Variants in GPR55 observed in about 807,000 individuals in gnomAD.
GPR55 encodes G-protein coupled receptor 55.
Under a neutral mutation model 7.9 loss-of-function variants are expected in GPR55, and 6 were observed. That is an observed-to-expected ratio of 0.76 (90% CI 0.41 to 1.49). The LOEUF (loss-of-function observed/expected upper bound fraction) is 1.49. Ranked by LOEUF, GPR55 falls within the 40% of genes most tolerant of loss-of-function variation. The pLI is 0.01. For missense variants in GPR55, 376 were observed against 406.0 expected, an observed-to-expected ratio of 0.93 and a Z score of 0.63; for synonymous variants, 183 against 166.8, an observed-to-expected ratio of 1.10 and a Z score of -0.75.
intron 1 of GPR55, among the ~76,000 whole-genome samples, chr2:230,933,944 C>T (rs1429879890): frequency 2.0e-5 from 3 of 152,218 alleles, no homozygotes; most frequent in Non-Finnish European, 4.4e-5. Context: ...TCTGAGGCCA[C>T]ATCTGCAGTC....
intron 1 of GPR55, among the ~76,000 whole-genome samples, chr2:230,939,282 G>A (rs1049472065): frequency 6.6e-6 from 1 of 152,192 alleles, no homozygotes; most frequent in Admixed American, 6.5e-5. Flanking sequence ...GCACAGCTCT[G>A]CCCGCAGTCA....
intron 1 of GPR55, among the ~76,000 whole-genome samples, chr2:230,951,369 G>A (rs1691401953): frequency 6.6e-6 from 1 of 152,114 alleles, no homozygotes; most frequent in South Asian, 2.1e-4. Context: ...GAGAACAGAG[G>A]AAAAACATGG....
chr2:230,927,263 C>T (rs960164097), upstream of GPR55, among the ~76,000 whole-genome samples: 6 of 152,182 alleles, frequency 3.9e-5, no homozygotes, highest in Admixed American at 3.3e-4. Context: ...ACCACACGAG[C>T]TGCTCTGCAG....
At chr2:230,926,851 G>A (rs528096950), upstream of GPR55, among the ~76,000 whole-genome samples, 184 of 151,842 alleles carry the variant, frequency 1.2e-3, 2 homozygotes, top group Middle Eastern at 0.027. Context: ...CACCAGGCCC[G>A]ACTAACTTTT....
At position 230,908,832 on chromosome 2, in the gene GPR55, G is replaced by A. The variant is rs1448448806; in HGVS notation, c.*1171C>T. Reference sequence around the variant, plus strand: ...TCCAGATCCGTTGAGAAGCCATCCAGGCGTGACTCAATTGTTTACAGTTTC... The same window carrying A: ...TCCAGATCCGTTGAGAAGCCATCCAAGCGTGACTCAATTGTTTACAGTTTC... On this transcript the variant is annotated 3_prime_UTR_variant, in exon 2 of 2. Coordinates refer to ENST00000650999, the MANE Select transcript of GPR55 (RefSeq NM_005683.4). The A allele has an allele frequency of 2.0e-5, 3 of 152,362 alleles. No individual in the cohort carries two copies. Among genetic ancestry groups the A allele is most frequent in the Non-Finnish European group, 2.9e-5 (2 of 68,152 alleles). The allele number at this position is 152,362 out of a possible 1,614,324, so 9.4% of individuals were successfully genotyped here.
At chr2:230,956,964 A>G (rs1691491974) in intron 1 of GPR55, among the ~76,000 whole-genome samples, 3 of 151,484 alleles carry the variant, frequency 2.0e-5, no homozygotes, top group Non-Finnish European at 4.4e-5. Flanking sequence ...TGGATGCCTG[A>G]AACTGCAGAG....
intron 1 of GPR55, among the ~76,000 whole-genome samples, chr2:230,954,868 T>A (rs954209245): frequency 6.6e-5 from 10 of 152,236 alleles, no homozygotes; most frequent in African/African-American, 2.4e-4. Context: ...TTGCACTCTT[T>A]CAAAAAAGTC....
rs1691284764 is a variant in GPR55, at chr2:230,944,717, C to A, written c.-135+16058G>T. Reference sequence around the variant, plus strand: ...CTCATGTACCCCGTAAATACAGACACCTACTATGTACCAGAAAAATTAAAA... The same window carrying A: ...CTCATGTACCCCGTAAATACAGACAACTACTATGTACCAGAAAAATTAAAA... On this transcript the variant is annotated intron_variant, in intron 1 of 1. Coordinates refer to the GPR55 transcript ENST00000392039. This position sits in a 1 kb window ranked among gnomAD's most constrained non-coding sequence, Gnocchi z 4.2. Among the ~76,000 whole-genome samples the A allele has an allele frequency of 6.6e-6, 1 of 152,194 alleles. No individual in the cohort carries two copies. The highest frequency in any genetic ancestry group is 2.4e-5 in the African/African-American group (1 of 41,448).
rs556690935 is a variant in GPR55 at position 230,909,413 on chromosome 2, C to T, written c.*590G>A. The T allele has an allele frequency of 6.5e-6, 1 of 152,818 alleles. No individual in the cohort carries two copies. Among genetic ancestry groups the T allele is most frequent in the Non-Finnish European group, 1.5e-5 (1 of 68,512 alleles). 9.5% of individuals were successfully genotyped at this position (152,818 alleles called of 1,614,324 possible). ...AGGCTCACTGGAAACTTGGGGTGAT[C>T]CATGCTACTTGCCCAGCCCCAACAC... On this transcript the variant is annotated 3_prime_UTR_variant, in exon 2 of 2. Coordinates refer to ENST00000650999, the MANE Select transcript of GPR55 (RefSeq NM_005683.4).
intron 1 of GPR55, among the ~76,000 whole-genome samples, chr2:230,913,362 C>T (rs1370744395): frequency 6.6e-6 from 1 of 152,138 alleles, no homozygotes; most frequent in African/African-American, 2.4e-5. Flanking sequence ...CCCAAGCCCT[C>T]TCTGATCTCT....
chr2:230,931,184 G>A (rs765553131), intron 1 of GPR55, among the ~76,000 whole-genome samples: 1 of 152,186 alleles, frequency 6.6e-6, no homozygotes, highest in Admixed American at 6.5e-5. Context: ...ACCTGGCTCA[G>A]TCTTCATCTC....
Position 230,910,927 on chromosome 2 carries a change from A to G in GPR55, c.36T>C (p.Phe12=). 1.9e-6 allele frequency: 3 copies of G among 1,609,216 alleles called. No homozygotes were observed. Among genetic ancestry groups the G allele is most frequent in the Non-Finnish European group, 2.6e-6 (3 of 1,175,938 alleles). ...SQQNTSGDCL[F]DGVNELMKTL... ...TTTTCATCAGCTCGTTGACACCGTCAAACAGGCAGTCCCCACTGGTGTTTT... is the reference window on the plus strand; with the variant it reads ...TTTTCATCAGCTCGTTGACACCGTCGAACAGGCAGTCCCCACTGGTGTTTT... The change falls in exon 2 of 2, where the codon TTT becomes TTC. Residue 12 remains phenylalanine, a synonymous_variant. Transcript: ENST00000650999. The surrounding 1 kb of genome is among the most constrained non-coding windows in gnomAD (Gnocchi z 5.4).
At chr2:230,918,367 C>CA (rs1359135058) in intron 1 of GPR55, among the ~76,000 whole-genome samples, 2 of 151,848 alleles carry the variant, frequency 1.3e-5, no homozygotes, top group African/African-American at 4.8e-5. Context: ...GATTTGGGGG[C>CA]AAAAAATAAT....
At position 230,910,947 on chromosome 2, in the gene GPR55, T is replaced by A. The variant is rs1690579404; in HGVS notation, c.16A>T (p.Thr6Ser). Reference sequence around the variant, plus strand: ...CCGTCAAACAGGCAGTCCCCACTGGTGTTTTGCTGACTCATGTTTCTTCCT... The same window carrying A: ...CCGTCAAACAGGCAGTCCCCACTGGAGTTTTGCTGACTCATGTTTCTTCCT... The part of the protein sequence containing the change: MSQQN[T>S]SGDCLFDGVN... The change falls in exon 2 of 2, where the codon ACC becomes TCC. Residue 6 changes from threonine (T) to serine (S), a missense_variant. Physicochemically the swap from Thr to Ser is moderately conservative, Grantham distance 58. Coordinates refer to ENST00000650999, the MANE Select transcript of GPR55 (RefSeq NM_005683.4). The surrounding 1 kb of genome is among the most constrained non-coding windows in gnomAD (Gnocchi z 5.4). The A allele has an allele frequency of 6.3e-7, 1 of 1,599,930 alleles. No individual in the cohort carries two copies. The highest frequency in any genetic ancestry group is 1.3e-5 in the African/African-American group (1 of 74,674).
intron 1 of GPR55, among the ~76,000 whole-genome samples, chr2:230,950,106 C>A (rs1223939652): frequency 6.6e-6 from 1 of 152,250 alleles, no homozygotes; most frequent in Non-Finnish European, 1.5e-5. Flanking sequence ...GGATTACAGG[C>A]GTGAGCCATC....
At chr2:230,935,998 G>T (rs955192807) in intron 1 of GPR55, among the ~76,000 whole-genome samples, 11 of 152,212 alleles carry the variant, frequency 7.2e-5, no homozygotes, top group Non-Finnish European at 1.6e-4. Flanking sequence ...GAGGAAGCTT[G>T]TGAGTTTGTA....
Position 230,944,873 on chromosome 2 carries a change from G to C in GPR55, c.-135+15902C>G, listed in dbSNP as rs1691286659. 6.6e-6 allele frequency among the ~76,000 whole-genome samples: 1 copy of C among 152,206 alleles called. No homozygotes were observed. Among genetic ancestry groups the C allele is most frequent in the Non-Finnish European group, 1.5e-5 (1 of 68,042 alleles). On this transcript the variant is annotated intron_variant, in intron 1 of 1. Transcript: ENST00000392039. The surrounding 1 kb of genome is among the most constrained non-coding windows in gnomAD (Gnocchi z 4.2). ...CAGCCCTCCAAGAATCATTCTTGAT[G>C]CCCTGCAAATACCAGGCGCTGCGCT...
At chr2:230,934,905 G>C (rs1454731821) in intron 1 of GPR55, among the ~76,000 whole-genome samples, 2 of 152,214 alleles carry the variant, frequency 1.3e-5, no homozygotes. Flanking sequence ...GTCCTGTTGG[G>C]TTGGGCTTCC....
In GPR55 at chr2:230,910,765, C is replaced by G; in HGVS notation, c.198G>C (p.Leu66=). The G allele has an allele frequency of 8.7e-6, 14 of 1,614,058 alleles. No individual in the cohort carries two copies. Among genetic ancestry groups the G allele is most frequent in the Non-Finnish European group, 1.1e-5 (13 of 1,179,920 alleles). ...GCACCAGCAGCAGGTCAAAGACTGC[C>G]AGGTTGATCATGTAGATGGAGGTGG... The part of the protein sequence containing the change: ...YAATSIYMIN[L]AVFDLLLVLS... The change falls in exon 2 of 2, where the codon CTG becomes CTC. Residue 66 remains leucine (L), a synonymous_variant. Coordinates refer to ENST00000650999, the MANE Select transcript of GPR55 (RefSeq NM_005683.4). The surrounding 1 kb of genome is among the most constrained non-coding windows in gnomAD (Gnocchi z 5.4).
Sources: allele counts gnomAD v4.1 joint callset (sites outside exome capture counted in the v4.1 genomes callset), GRCh38; gene constraint gnomAD v4.1.1; non-coding constraint Gnocchi (gnomAD v3.1); transcripts MANE v1.5; gene names NCBI Gene and HGNC (gene_info 2026-07-23, HGNC 2026-07-21).